RORA: variants seen among roughly 807,000 people sequenced by gnomAD.
The protein encoded by RORA is RAR related orphan receptor A.
Under a neutral mutation model 69.5 loss-of-function variants are expected in RORA, and 7 were observed. That is an observed-to-expected ratio of 0.10 (90% CI 0.06 to 0.19). RORA has a LOEUF of 0.19. RORA is among the 10% of genes least tolerant of loss of function. The pLI is 1.00. For synonymous variants in RORA, 261 were observed against 240.8 expected, an observed-to-expected ratio of 1.08 and a Z score of -0.78; for missense variants, 457 against 663.0, an observed-to-expected ratio of 0.69 and a Z score of 3.41.
intron 1 of RORA, among the ~76,000 whole-genome samples, chr15:60,987,914 C>T (rs1894257001): frequency 2.0e-5 from 3 of 152,204 alleles, no homozygotes; most frequent in Admixed American, 2.0e-4. Flanking sequence ...CCTACAAGTG[C>T]TCTCCACACA....
intron 10 of RORA, among the ~76,000 whole-genome samples, chr15:60,499,269 C>T (rs1201312399): frequency 6.6e-6 from 1 of 152,184 alleles, no homozygotes; most frequent in Non-Finnish European, 1.5e-5. Flanking sequence ...CAGTGGCTCA[C>T]TCCTATAATC....
At chr15:60,622,430 T>C (rs993361349) in intron 2 of RORA, among the ~76,000 whole-genome samples, 5 of 151,912 alleles carry the variant, frequency 3.3e-5, no homozygotes, top group African/African-American at 9.7e-5. Context: ...CTGGGGAACA[T>C]GTGAAACCCC....
chr15:61,004,574 T>C (rs1261026678), intron 1 of RORA, among the ~76,000 whole-genome samples: 1 of 152,120 alleles, frequency 6.6e-6, no homozygotes, highest in Non-Finnish European at 1.5e-5. Context: ...CACAGAGGCC[T>C]GGGAGGGTAC....
chr15:60,542,329 CCACACATACA>C (rs1398262527), intron 2 of RORA, among the ~76,000 whole-genome samples: 1 of 149,530 alleles, frequency 6.7e-6, no homozygotes, highest in Admixed American at 6.6e-5. Flanking sequence ...CACACACACA[CCACACATACA>C]CACACATACC....
At chr15:60,561,105 G>A (rs1375575381) in intron 2 of RORA, among the ~76,000 whole-genome samples, 3 of 136,938 alleles carry the variant, frequency 2.2e-5, no homozygotes, top group Non-Finnish European at 4.5e-5. Context: ...TTTTTGAGAC[G>A]GAGTCTCGCT....
chr15:60,968,744 T>C (rs1039920310), intron 1 of RORA, among the ~76,000 whole-genome samples: 4 of 152,224 alleles, frequency 2.6e-5, no homozygotes, highest in Non-Finnish European at 4.4e-5. Flanking sequence ...TGTAGTGTAT[T>C]TTCTTACAAA....
intron 1 of RORA, among the ~76,000 whole-genome samples, chr15:61,058,854 A>G (rs528828358): frequency 2.6e-5 from 4 of 152,316 alleles, no homozygotes; most frequent in East Asian, 3.9e-4. Flanking sequence ...CCAAAGCCCA[A>G]CGCCTAACAC....
chr15:60,744,969 A>G (rs184635155), intron 1 of RORA, among the ~76,000 whole-genome samples: 338 of 152,318 alleles, frequency 2.2e-3, no homozygotes, highest in African/African-American at 7.5e-3. Context: ...CCAGGCCAGG[A>G]TTCTCTTGAA....
intron 2 of RORA, among the ~76,000 whole-genome samples, chr15:60,612,372 C>T (rs973341607): frequency 6.6e-6 from 1 of 152,098 alleles, no homozygotes; most frequent in Non-Finnish European, 1.5e-5. Context: ...TAAAAATGAA[C>T]CTCCCCTCTT....
intron 1 of RORA, among the ~76,000 whole-genome samples, chr15:60,695,805 G>A (rs2070895701): frequency 1.3e-5 from 2 of 152,046 alleles, no homozygotes; most frequent in African/African-American, 4.8e-5. Flanking sequence ...AAAGTACACG[G>A]AGGAAGCAAG....
At chr15:60,586,358 G>GTGTT (rs1461981150) in intron 2 of RORA, among the ~76,000 whole-genome samples, 1 of 152,176 alleles carries the variant, frequency 6.6e-6, no homozygotes, top group Non-Finnish European at 1.5e-5. Context: ...AAACTGAAGT[G>GTGTT]TGTTTGAGGA....
rs2080147787 is a variant in RORA, at chr15:61,226,694, A to G, written c.166+2359T>C. Among the ~76,000 whole-genome samples the G allele has an allele frequency of 6.6e-6, 1 of 152,236 alleles. No homozygotes were observed. Among genetic ancestry groups the G allele is most frequent in the South Asian group, 2.1e-4 (1 of 4,836 alleles). On this transcript the variant is annotated intron_variant, in intron 1 of 10. Coordinates refer to ENST00000335670, the MANE Select transcript of RORA (RefSeq NM_134261.3). This position sits in a 1 kb window ranked among gnomAD's most constrained non-coding sequence, Gnocchi z 4.2. ...ATGCACATAATTTCTGGAAGCTATTACTACTGCTGTGTTAGCTAAAGGATG... is the reference window on the plus strand; with the variant it reads ...ATGCACATAATTTCTGGAAGCTATTGCTACTGCTGTGTTAGCTAAAGGATG...
intron 1 of RORA, among the ~76,000 whole-genome samples, chr15:60,991,430 T>C (rs7171713): frequency 0.73 from 111,447 of 152,032 alleles, 41,350 homozygotes; most frequent in African/African-American, 0.85. Flanking sequence ...TGTTTCTGGA[T>C]CACTTTAGAC....
chr15:60,674,673 A>C (rs1190279536), intron 2 of RORA, among the ~76,000 whole-genome samples: 1 of 152,220 alleles, frequency 6.6e-6, no homozygotes, highest in Non-Finnish European at 1.5e-5. Flanking sequence ...ACATTTGAAA[A>C]TGTACTAGAT....
intron 1 of RORA, among the ~76,000 whole-genome samples, chr15:60,760,319 T>C (rs2071867926): frequency 1.3e-5 from 2 of 152,202 alleles, no homozygotes; most frequent in East Asian, 1.9e-4. Flanking sequence ...GAAGGGAGCA[T>C]TGGTATGGGA....
intron 1 of RORA, among the ~76,000 whole-genome samples, chr15:60,850,506 G>A (rs762859462): frequency 2.6e-5 from 4 of 152,046 alleles, no homozygotes; most frequent in Non-Finnish European, 5.9e-5. Context: ...TCTAAAATGG[G>A]GATAATAATG....
At chr15:61,119,389 G>GTATA (rs10553428) in intron 1 of RORA, among the ~76,000 whole-genome samples, 16 of 147,678 alleles carry the variant, frequency 1.1e-4, no homozygotes, top group South Asian at 4.3e-4. Context: ...TTTTGTATAT[G>GTATA]TATATATATA....
At chr15:60,821,127 C>T (rs769516248) in intron 1 of RORA, among the ~76,000 whole-genome samples, 1 of 152,200 alleles carries the variant, frequency 6.6e-6, no homozygotes, top group East Asian at 1.9e-4. Context: ...TTGGCTCCTT[C>T]CACCAGGTAA....
At chr15:61,172,528 G>T (rs1567021901) in intron 1 of RORA, among the ~76,000 whole-genome samples, 1 of 152,074 alleles carries the variant, frequency 6.6e-6, no homozygotes. Context: ...CTCCACCAGG[G>T]GCTCTCAAAA....
Sources: gnomAD v4.1 joint callset for allele counts (sites outside exome capture counted in the v4.1 genomes callset) on GRCh38, gnomAD v4.1.1 for gene constraint, Gnocchi (gnomAD v3.1) non-coding constraint, MANE v1.5 for transcripts, NCBI Gene and HGNC (gene_info 2026-07-23, HGNC 2026-07-21) for gene names.